PARP4: variants seen among roughly 807,000 people sequenced by gnomAD.
The protein encoded by PARP4 is poly(ADP-ribose) polymerase family member 4.
Under a neutral mutation model 187.7 loss-of-function variants are expected in PARP4, and 120 were observed. That is an observed-to-expected ratio of 0.64 (90% CI 0.55 to 0.74). PARP4 has a LOEUF of 0.74. Among genes scored for constraint, PARP4 ranks in the 30% least tolerant of loss-of-function variants. PARP4 has a pLI of 0.00. For missense variants in PARP4, 1,836 were observed against 2,070.5 expected (o/e 0.89, Z 2.20); for synonymous variants, 654 against 740.9 (o/e 0.88, Z 1.90).
intron 1 of PARP4, among the ~76,000 whole-genome samples, chr13:24,509,517 G>A (rs1869885290): frequency 1.3e-5 from 2 of 149,006 alleles, no homozygotes. Flanking sequence ...AAAAAAAAAA[G>A]AGAGAAAAAT....
In PARP4 at chr13:24,439,771, C is replaced by T. The variant is rs1279132357; in HGVS notation, c.3666+2075G>A. 5.9e-5 allele frequency among the ~76,000 whole-genome samples: 9 copies of T among 152,164 alleles called. No homozygotes were observed. In the East Asian group the frequency reaches 1.5e-3, roughly 26 times the overall value. ...AAACAGTTGATTCTTAATTGTACAT[C>T]AGAATTTTTTTTTCCCCAAAACAAT... On this transcript the variant is annotated intron_variant, in intron 30 of 33. Transcript: ENST00000381989.
intron 33 of PARP4, among the ~76,000 whole-genome samples, chr13:24,425,559 G>A (rs1869994186): frequency 7.2e-6 from 1 of 137,998 alleles, no homozygotes; most frequent in Middle Eastern, 3.5e-3. Flanking sequence ...GTGTGTGTGT[G>A]TGTGTGTGTG....
intron 1 of PARP4, among the ~76,000 whole-genome samples, chr13:24,509,881 G>A (rs1186638260): frequency 6.6e-6 from 1 of 152,006 alleles, no homozygotes; most frequent in Non-Finnish European, 1.5e-5. Flanking sequence ...TGTATTTTTA[G>A]TAGAGACGGG....
At chr13:24,476,278 T>C (rs1482782995) in intron 14 of PARP4, among the ~76,000 whole-genome samples, 1 of 152,160 alleles carries the variant, frequency 6.6e-6, no homozygotes, top group Non-Finnish European at 1.5e-5. Flanking sequence ...TCTGCCTTTT[T>C]AATGTAGAGA....
chr13:24,499,323 G>A lies in PARP4; in HGVS notation c.455C>T (p.Ala152Val), dbSNP rs1370635361. 6.7e-7 allele frequency: 1 copy of A among 1,487,540 alleles called. No individual in the cohort carries two copies. 92.1% of individuals were successfully genotyped at this position (1,487,540 alleles called of 1,614,324 possible). A position where few individuals can be genotyped will look rare whatever the true frequency, so the allele number is the denominator to read the frequency against. ...IPHLPQDFEV[A>V]KYNTLEKVGM... is the part of the protein sequence containing the mutation. Reference sequence around the variant, plus strand: ...TACTTTCTCCAAGGTGTTATATTTTGCAACTTCAAAATCTTGAGGAAGATG... The same window carrying A: ...TACTTTCTCCAAGGTGTTATATTTTACAACTTCAAAATCTTGAGGAAGATG... The change falls in exon 5 of 34, where the codon GCA (alanine) becomes GTA (valine). Residue 152 changes from alanine (A) to valine (V), a missense_variant. By Grantham distance (64) the Ala-to-Val change is moderately conservative. This residue lies in a region of PARP4 where 1,147 missense variants were observed against 1,214.2 expected (regional missense o/e 0.94). Coordinates refer to ENST00000381989, the MANE Select transcript of PARP4 (RefSeq NM_006437.4).
intron 30 of PARP4, among the ~76,000 whole-genome samples, chr13:24,440,303 A>C (rs3825449): frequency 0.4 from 59,679 of 150,746 alleles, 12,071 homozygotes; most frequent in African/African-American, 0.46. Context: ...GAGACTGAGG[A>C]ACGAGAATTG....
At chr13:24,469,714 A>G (rs1156293984) in intron 16 of PARP4, among the ~76,000 whole-genome samples, 180 bp downstream of exon 16, 1 of 152,230 alleles carries the variant, frequency 6.6e-6, no homozygotes, top group Non-Finnish European at 1.5e-5. Context: ...ACCCTTCATC[A>G]CGGAGGGATG....
chr13:24,503,011 C>T (rs1869395950), intron 2 of PARP4, among the ~76,000 whole-genome samples: 1 of 152,110 alleles, frequency 6.6e-6, no homozygotes, highest in Non-Finnish European at 1.5e-5. Context: ...CAGCCTGGCA[C>T]CTAGAGCCTT....
At chr13:24,443,796 A>G (rs1235407689) in intron 27 of PARP4, 66 bp from the exon 28 acceptor site, 4 of 1,102,440 alleles carry the variant, frequency 3.6e-6, no homozygotes, top group Non-Finnish European at 5.5e-6. Context: ...TGCAAAGAAC[A>G]TCATTTTAAA....
At chr13:24,486,533 A>G (rs539874297) in intron 10 of PARP4, among the ~76,000 whole-genome samples, 68 of 152,376 alleles carry the variant, frequency 4.5e-4, no homozygotes, top group African/African-American at 1.5e-3. Flanking sequence ...ATAAAATTTA[A>G]AAGATTACAA....
intron 3 of PARP4, 61 bp downstream of exon 3, chr13:24,501,572 C>G: frequency 8.6e-7 from 1 of 1,157,522 alleles, no homozygotes. Context: ...GTATCTTTGA[C>G]AAACCCAAGC....
chr13:24,496,210 T>C (rs937901715), intron 6 of PARP4, among the ~76,000 whole-genome samples: 1 of 152,218 alleles, frequency 6.6e-6, no homozygotes, highest in Non-Finnish European at 1.5e-5. Flanking sequence ...TTTTTCACCT[T>C]CATTTTTACT....
rs1287164326 is a variant in PARP4, at chr13:24,455,004, A to G, written c.2758+13T>C. On this transcript the variant is annotated intron_variant, in intron 22 of 33. Coordinates refer to ENST00000381989, the MANE Select transcript of PARP4 (RefSeq NM_006437.4). ...GGGAAGCACACGCAGGACCAGGGCCAAAGCGCACTCACCTGTGCCGAACTG... is the reference window on the plus strand; with the variant it reads ...GGGAAGCACACGCAGGACCAGGGCCGAAGCGCACTCACCTGTGCCGAACTG... The G allele has an allele frequency of 1.9e-6, 3 of 1,565,304 alleles. No individual in the cohort carries two copies. The highest frequency in any genetic ancestry group is 2.6e-6 in the Non-Finnish European group (3 of 1,145,058).
chr13:24,460,053 G>A lies in PARP4; in HGVS notation c.2217C>T (p.Ile739=). The change falls in exon 18 of 34, where the codon ATC becomes ATT. Residue 739 remains isoleucine, a synonymous_variant. Coordinates refer to ENST00000381989, the MANE Select transcript of PARP4 (RefSeq NM_006437.4). Reference sequence around the variant, plus strand: ...TGAAAAAGACACCAACAGTGCCCAGGATGCTGAGTTCTGTGATGTAGGTAA... The same window carrying A: ...TGAAAAAGACACCAACAGTGCCCAGAATGCTGAGTTCTGTGATGTAGGTAA... ...IKITYITELS[I]LGTVGVFFMP... 6.2e-7 allele frequency: 1 copy of A among 1,613,972 alleles called. No individual in the cohort carries two copies. Among genetic ancestry groups the A allele is most frequent in the Non-Finnish European group, 8.5e-7 (1 of 1,179,890 alleles).
chr13:24,469,267 T>C (rs1300210374), intron 16 of PARP4, among the ~76,000 whole-genome samples, 157 bp from the exon 17 acceptor site: 7 of 152,186 alleles, frequency 4.6e-5, no homozygotes, highest in African/African-American at 4.8e-5. Flanking sequence ...GAAATATACT[T>C]ATCTGATAAG....
chr13:24,431,172 T>A (rs1442962714), intron 32 of PARP4, among the ~76,000 whole-genome samples: 2 of 152,238 alleles, frequency 1.3e-5, no homozygotes, highest in Non-Finnish European at 2.9e-5. Flanking sequence ...ATAAATTTGC[T>A]CAGATAATAC....
chr13:24,485,537 T>A, intron 11 of PARP4, among the ~76,000 whole-genome samples: 1 of 152,218 alleles, frequency 6.6e-6, no homozygotes, highest in African/African-American at 2.4e-5. Context: ...CTTGTATGTT[T>A]CTTTTTAAGT....
intron 12 of PARP4, among the ~76,000 whole-genome samples, chr13:24,480,921 T>C (rs893353990): frequency 2.0e-5 from 3 of 152,252 alleles, no homozygotes; most frequent in African/African-American, 7.2e-5. Context: ...AGATTTTCCA[T>C]GTAGACAAAA....
chr13:24,486,447 G>C (rs991358319), intron 10 of PARP4, 142 bp from the exon 11 acceptor site: 1 of 602,314 alleles, frequency 1.7e-6, no homozygotes, highest in African/African-American at 1.9e-5. Flanking sequence ...GCATATCTTG[G>C]AAGTATTATG....
Sources: gnomAD v4.1 joint callset for allele counts (sites outside exome capture counted in the v4.1 genomes callset) on GRCh38, gnomAD v4.1.1 for gene constraint, gnomAD v4.1.1 regional missense constraint, MANE v1.5 for transcripts, NCBI Gene and HGNC (gene_info 2026-07-23, HGNC 2026-07-21) for gene names.